Variants in DNAAF9 observed in about 807,000 individuals in gnomAD.
DNAAF9 encodes shulin.
Under a neutral mutation model 167.0 loss-of-function variants are expected in DNAAF9, and 90 were observed. That is an observed-to-expected ratio of 0.54 (90% CI 0.45 to 0.64). DNAAF9 has a LOEUF of 0.64. Ranked by LOEUF, DNAAF9 falls within the 30% of genes least tolerant of loss-of-function variation. The probability of loss-of-function intolerance (pLI) is 0.00; values close to 1 mark genes in which losing one functional copy is unlikely to be tolerated. For missense variants in DNAAF9, 1,315 were observed against 1,442.2 expected (o/e 0.91, Z 1.43); for synonymous variants, 491 against 508.8 (o/e 0.96, Z 0.47).
chr20:3,322,361 G>C lies in DNAAF9; in HGVS notation c.1311-99C>G, dbSNP rs979775800. ...TTCAACTTGGCAATGACAAGTCATA[G>C]ATTCGGATTGCTCTTAGGGCCTTTC... On this transcript the variant is annotated intron_variant, in intron 15 of 36. Coordinates refer to ENST00000252032, the MANE Select transcript of DNAAF9 (RefSeq NM_001009984.3). The C allele has an allele frequency of 1.2e-5, 11 of 947,370 alleles. No individual in the cohort carries two copies. In the African/African-American group the frequency reaches 1.4e-4, roughly 12 times the overall value. The allele number at this position is 947,370 out of a possible 1,614,324, so 58.7% of individuals were successfully genotyped here.
chr20:3,358,284 T>C (rs991096079), intron 7 of DNAAF9, among the ~76,000 whole-genome samples: 12 of 152,198 alleles, frequency 7.9e-5, no homozygotes, highest in Middle Eastern at 6.8e-3. Context: ...GGGCATGGTA[T>C]ACCCTTTTCT....
chr20:3,272,219 A>G (rs2068605805), intron 29 of DNAAF9, among the ~76,000 whole-genome samples: 1 of 152,122 alleles, frequency 6.6e-6, no homozygotes, highest in Non-Finnish European at 1.5e-5. Context: ...TGTCTTATAA[A>G]TGTTTTCTCA....
In DNAAF9 at chr20:3,249,574, T is replaced by G. The variant is rs1166477580; in HGVS notation, c.*2998A>C. 1.3e-5 allele frequency: 2 copies of G among 152,182 alleles called. No individual in the cohort carries two copies. The highest frequency in any genetic ancestry group is 4.8e-5 in the African/African-American group (2 of 41,452). 9.4% of individuals were successfully genotyped at this position (152,182 alleles called of 1,614,324 possible). On this transcript the variant is annotated 3_prime_UTR_variant, in exon 37 of 37. Transcript: ENST00000252032. ...AAATATTAAAGCACTGAAAAACTAG[T>G]ATAAAAGTGAATTTTGGCACGTAAG...
chr20:3,316,734 A>C lies in DNAAF9; in HGVS notation c.1528T>G (p.Cys510Gly). ...TGAATGACACTAACCAGCCAGGAGC[A>C]GAATCTGGGTACAGCAGCAGTCAGG... The part of the protein sequence containing the change: ...VVLTAAVPRF[C>G]SWLVEDNEVK... Residue 510 changes from cysteine (C) to glycine (G), a missense_variant, in exon 18 of 37, where the codon TGC (cysteine) becomes GGC (glycine). Transcript: ENST00000252032. 1 of 1,613,258 alleles carries C rather than the reference A, an allele frequency of 6.2e-7. No individual in the cohort carries two copies. The highest frequency in any genetic ancestry group is 8.5e-7 in the Non-Finnish European group (1 of 1,179,292).
intron 20 of DNAAF9, among the ~76,000 whole-genome samples, chr20:3,312,345 G>A (rs1255368254): frequency 6.6e-6 from 1 of 151,890 alleles, no homozygotes; most frequent in East Asian, 1.9e-4. Context: ...CAGAAGACCT[G>A]TACTATCCTC....
chr20:3,369,843 G>C (rs994644887), intron 6 of DNAAF9, among the ~76,000 whole-genome samples: 1 of 151,936 alleles, frequency 6.6e-6, no homozygotes, highest in East Asian at 1.9e-4. Context: ...CATACATTCA[G>C]TTATTACAAC....
intron 1 of DNAAF9, among the ~76,000 whole-genome samples, chr20:3,389,548 A>G (rs1345535943): frequency 1.3e-5 from 2 of 151,242 alleles, no homozygotes; most frequent in African/African-American, 4.9e-5. Flanking sequence ...GGGAGGATCA[A>G]CTGAGGTCAG....
chr20:3,348,961 G>A (rs920732116), intron 7 of DNAAF9, among the ~76,000 whole-genome samples: 6 of 152,030 alleles, frequency 3.9e-5, no homozygotes, highest in African/African-American at 1.5e-4. Context: ...AACTTTCTGG[G>A]CGATGAAAAT....
At chr20:3,339,110 A>C (rs1309172711) in intron 10 of DNAAF9, among the ~76,000 whole-genome samples, 3 of 152,142 alleles carry the variant, frequency 2.0e-5, no homozygotes, top group African/African-American at 7.2e-5. Context: ...CTTCTATTAC[A>C]GTGCTTTTGA....
intron 30 of DNAAF9, among the ~76,000 whole-genome samples, chr20:3,267,749 C>A (rs1268339824): frequency 6.6e-6 from 1 of 152,030 alleles, no homozygotes; most frequent in Non-Finnish European, 1.5e-5. Context: ...GCAAGAGAAT[C>A]ACTTGAATCC....
intron 8 of DNAAF9, among the ~76,000 whole-genome samples, chr20:3,345,076 T>C (rs1600826643): frequency 6.6e-6 from 1 of 152,142 alleles, no homozygotes; most frequent in Non-Finnish European, 1.5e-5. Flanking sequence ...TGGAGTGCAG[T>C]GGCATGATTT....
At chr20:3,294,726 A>G (rs1225492839) in intron 23 of DNAAF9, 97 bp from the exon 24 acceptor site, 6 of 757,714 alleles carry the variant, frequency 7.9e-6, no homozygotes, top group Non-Finnish European at 1.4e-5. Flanking sequence ...GAGTCCAATG[A>G]CAGAGTCAAC....
Position 3,304,516 on chromosome 20 carries a change from A to T in DNAAF9, c.1706T>A (p.Leu569His). Residue 569 changes from leucine (L) to histidine (H), a missense_variant, in exon 21 of 37, where the codon CTT (leucine) becomes CAT (histidine). Around this residue, in one of 2 missense-constraint regions of DNAAF9, gnomAD observed 981 missense variants for 1,012.5 expected, o/e 0.97. Coordinates refer to ENST00000252032, the MANE Select transcript of DNAAF9 (RefSeq NM_001009984.3). ...TCTATGACGACAGTGAGAAAACAGAAGGCCACTAGAGAAGAAATGAACATT... is the reference window on the plus strand; with the variant it reads ...TCTATGACGACAGTGAGAAAACAGATGGCCACTAGAGAAGAAATGAACATT... ...EGNVHFFSSG[L>H]LFSHCRHRSI... 1.3e-6 allele frequency: 2 copies of T among 1,503,266 alleles called. No individual in the cohort carries two copies. The highest frequency in any genetic ancestry group is 1.9e-6 in the Non-Finnish European group (2 of 1,079,266). 93.1% of individuals were successfully genotyped at this position (1,503,266 alleles called of 1,614,324 possible).
At chr20:3,377,174 A>G (rs2083587221) in intron 3 of DNAAF9, among the ~76,000 whole-genome samples, 1 of 152,246 alleles carries the variant, frequency 6.6e-6, no homozygotes, top group Non-Finnish European at 1.5e-5. Flanking sequence ...TAAAGCCTCC[A>G]GGTAGCAGGC....
intron 2 of DNAAF9, 46 bp downstream of exon 2, chr20:3,382,381 G>C: frequency 6.8e-7 from 1 of 1,476,282 alleles, no homozygotes; most frequent in South Asian, 1.1e-5. Flanking sequence ...AACAAAAAAA[G>C]CCAAGTTGCC....
intron 28 of DNAAF9, among the ~76,000 whole-genome samples, chr20:3,281,000 C>T (rs2068755300): frequency 6.6e-6 from 1 of 152,042 alleles, no homozygotes; most frequent in African/African-American, 2.4e-5. Flanking sequence ...ATTATATACT[C>T]AACTTCAGTC....
chr20:3,404,474 C>G (rs1257054862), intron 1 of DNAAF9, among the ~76,000 whole-genome samples: 4 of 152,220 alleles, frequency 2.6e-5, no homozygotes, highest in Non-Finnish European at 5.9e-5. Context: ...TTTTCTTCTT[C>G]TAGTGTTCTT....
chr20:3,272,040 ACC>A (rs1296427543), intron 29 of DNAAF9, among the ~76,000 whole-genome samples: 1 of 152,024 alleles, frequency 6.6e-6, no homozygotes, highest in East Asian at 1.9e-4. Flanking sequence ...TCTACACTCC[ACC>A]CAGCTCATCC....
At chr20:3,278,228 G>A (rs2281497) in intron 29 of DNAAF9, among the ~76,000 whole-genome samples, 31,319 of 152,062 alleles carry the variant, frequency 0.21, 3,524 homozygotes, top group African/African-American at 0.28. Context: ...GAAAATTCCA[G>A]GGTGCATAGG....
Sources: gnomAD v4.1 joint callset for allele counts (sites outside exome capture counted in the v4.1 genomes callset) on GRCh38, gnomAD v4.1.1 for gene constraint, gnomAD v4.1.1 regional missense constraint, MANE v1.5 for transcripts, NCBI Gene and HGNC (gene_info 2026-07-23, HGNC 2026-07-21) for gene names.